CRACDL: variants seen among roughly 807,000 people sequenced by gnomAD.
The protein encoded by CRACDL is CRACD-like protein.
A neutral mutation model predicts 70.6 loss-of-function variants in CRACDL; 26 were observed. The observed-to-expected ratio is 0.37, with a 90% CI of 0.27 to 0.51. CRACDL has a LOEUF of 0.51. Among genes scored for constraint, CRACDL ranks in the 20% least tolerant of loss-of-function variants. The pLI, the probability that CRACDL is intolerant of heterozygous loss-of-function variation, is 0.94. For synonymous variants in CRACDL, 618 were observed against 615.2 expected, an observed-to-expected ratio of 1.00 and a Z score of -0.07; for missense variants, 1,283 against 1,376.9, an observed-to-expected ratio of 0.93 and a Z score of 1.08.
chr2:98,935,708 C>T (rs1709188453), intron 1 of CRACDL, among the ~76,000 whole-genome samples: 1 of 152,234 alleles, frequency 6.6e-6, no homozygotes, highest in African/African-American at 2.4e-5. Context: ...CAAAGGGAAA[C>T]TTTGGGCACT....
At chr2:98,895,978 C>G (rs938220268) in intron 1 of CRACDL, among the ~76,000 whole-genome samples, 5 of 152,294 alleles carry the variant, frequency 3.3e-5, no homozygotes, top group African/African-American at 1.2e-4. Flanking sequence ...TCACCAGATA[C>G]TGAATCTGCT....
chr2:98,812,639 T>C (rs1704620945), intron 7 of CRACDL, among the ~76,000 whole-genome samples: 1 of 152,206 alleles, frequency 6.6e-6, no homozygotes, highest in South Asian at 2.1e-4. Context: ...TTATTTGCCA[T>C]CTGTACACTT....
rs558277372 is a variant in CRACDL, at chr2:98,809,557, C to T, written c.2417-12020G>A. Reference sequence around the variant, plus strand: ...CTCTGCATGAGGGAAGTTTCCTCTGCGCTGGTGGCTCACAGGACTGCAGTG... The same window carrying T: ...CTCTGCATGAGGGAAGTTTCCTCTGTGCTGGTGGCTCACAGGACTGCAGTG... On this transcript the variant is annotated intron_variant, in intron 7 of 9. Coordinates refer to ENST00000397899, the MANE Select transcript of CRACDL (RefSeq NM_207362.3). 4.6e-5 allele frequency among the ~76,000 whole-genome samples: 7 copies of T among 152,242 alleles called. No individual in the cohort carries two copies. In the East Asian group the frequency reaches 1.2e-3, roughly 25 times the overall value.
intron 1 of CRACDL, among the ~76,000 whole-genome samples, chr2:98,898,460 G>C (rs1456705058): frequency 6.6e-6 from 1 of 152,250 alleles, no homozygotes; most frequent in Non-Finnish European, 1.5e-5. Flanking sequence ...TGACCAGCCA[G>C]CTCTTCGCAT....
intron 7 of CRACDL, among the ~76,000 whole-genome samples, chr2:98,812,225 T>C (rs1159701235): frequency 6.6e-6 from 1 of 152,220 alleles, no homozygotes; most frequent in Admixed American, 6.5e-5. Context: ...TCCACCCACC[T>C]TGGCCTCCCA....
Position 98,821,863 on chromosome 2 carries a change from C to T in CRACDL, c.2410G>A (p.Gly804Arg). The change falls in exon 7 of 10, where the codon GGA becomes AGA. Residue 804 changes from glycine to arginine, a missense_variant. Physicochemically the swap from Gly to Arg is moderately radical, Grantham distance 125. This residue lies in a region of CRACDL where 921 missense variants were observed against 881.9 expected (regional missense o/e 1.04). Coordinates refer to ENST00000397899, the MANE Select transcript of CRACDL (RefSeq NM_207362.3). ...ACCCTCGGCGGGCTCTTACCAGCTC[C>T]CCTGCGCAGCGGCCTTTTCTCCGCC... ...RTAEKRPLRR[G>R]AEKSLPPAAT... 6.2e-7 allele frequency: 1 copy of T among 1,607,406 alleles called. No individual in the cohort carries two copies. The highest frequency in any genetic ancestry group is 8.5e-7 in the Non-Finnish European group (1 of 1,178,826).
rs557263005 is a variant in CRACDL at position 98,929,470 on chromosome 2, C to T, written c.-11+6468G>A. Among the ~76,000 whole-genome samples, 6 of 152,248 alleles carry T rather than the reference C, an allele frequency of 3.9e-5. 1 individual carries two copies. Among genetic ancestry groups the T allele is most frequent in the Admixed American group, 2.0e-4 (3 of 15,300 alleles). ...ACTCCAAGCAGCATCTACAGTGGGA[C>T]GGGGGAGCCGCCTCTCTGGTCATGT... On this transcript the variant is annotated intron_variant, in intron 1 of 9. Transcript: ENST00000397899.
intron 1 of CRACDL, among the ~76,000 whole-genome samples, chr2:98,874,347 G>GC (rs1472733722): frequency 2.0e-5 from 3 of 152,202 alleles, no homozygotes; most frequent in East Asian, 1.9e-4. Context: ...AGCTCATGTT[G>GC]CCCCCCTGAT....
At chr2:98,829,242 C>T (rs184987282) in intron 5 of CRACDL, among the ~76,000 whole-genome samples, 1 of 152,374 alleles carries the variant, frequency 6.6e-6, no homozygotes, top group African/African-American at 2.4e-5. Flanking sequence ...GGGCAGATGT[C>T]TTGGGCTCAG....
At chr2:98,935,503 C>T (rs543623864) in intron 1 of CRACDL, among the ~76,000 whole-genome samples, 162 of 152,308 alleles carry the variant, frequency 1.1e-3, no homozygotes, top group African/African-American at 3.6e-3. Flanking sequence ...AATAAACCAT[C>T]ACCTAAAGCA....
In CRACDL at chr2:98,897,166, C is replaced by T. The variant is rs538814016; in HGVS notation, c.-11+38772G>A. On this transcript the variant is annotated intron_variant, in intron 1 of 9. Coordinates refer to ENST00000397899, the MANE Select transcript of CRACDL (RefSeq NM_207362.3). ...CCACTGATTTGTTCTCCGTCACGAT[C>T]GTTCTGTCTCTTTGAGAATGTCACA... 4.6e-5 allele frequency among the ~76,000 whole-genome samples: 7 copies of T among 152,220 alleles called. No homozygotes were observed. In the South Asian group the frequency reaches 8.3e-4, roughly 18 times the overall value.
intron 1 of CRACDL, among the ~76,000 whole-genome samples, chr2:98,907,224 G>A (rs564558253): frequency 3.2e-4 from 48 of 152,284 alleles, no homozygotes; most frequent in East Asian, 5.8e-4. Context: ...CCCAGGAGGC[G>A]GAGGTTGCGG....
intron 7 of CRACDL, among the ~76,000 whole-genome samples, chr2:98,798,751 G>A (rs1250009793): frequency 1.1e-4 from 16 of 151,648 alleles, no homozygotes; most frequent in African/African-American, 3.1e-4. Context: ...AAGTACAGTG[G>A]TGCGATCAAG....
At chr2:98,799,447 CGG>C (rs1703981771) in intron 7 of CRACDL, among the ~76,000 whole-genome samples, 1 of 152,066 alleles carries the variant, frequency 6.6e-6, no homozygotes, top group Non-Finnish European at 1.5e-5. Flanking sequence ...CAGCCAGGGA[CGG>C]CTCTCACTCC....
chr2:98,863,371 A>G (rs1013626757), intron 1 of CRACDL, among the ~76,000 whole-genome samples: 1 of 152,210 alleles, frequency 6.6e-6, no homozygotes, highest in Non-Finnish European at 1.5e-5. Context: ...GTCTGTTACT[A>G]CTAGAGCTGT....
intron 7 of CRACDL, among the ~76,000 whole-genome samples, chr2:98,819,115 A>G (rs886195486): frequency 7.9e-5 from 12 of 152,222 alleles, no homozygotes; most frequent in Non-Finnish European, 1.5e-4. Flanking sequence ...TTAATAAAAA[A>G]AATACTCTAT....
intron 1 of CRACDL, chr2:98,908,375 C>G (rs1708466229): frequency 6.6e-6 from 1 of 152,370 alleles, no homozygotes; most frequent in African/African-American, 2.4e-5. Context: ...TGTCAACCCT[C>G]CAGCAAAAGT....
intron 5 of CRACDL, among the ~76,000 whole-genome samples, chr2:98,831,911 A>T (rs1164962686): frequency 6.6e-6 from 1 of 152,136 alleles, no homozygotes; most frequent in Non-Finnish European, 1.5e-5. Context: ...ACACCACCTC[A>T]AGGTCACAAA....
intron 8 of CRACDL, among the ~76,000 whole-genome samples, chr2:98,796,618 AT>A (rs910143123): frequency 6.6e-6 from 1 of 152,158 alleles, no homozygotes; most frequent in African/African-American, 2.4e-5. Context: ...ACTGGTTACT[AT>A]TTGTTTTCTA....
Sources: gnomAD v4.1 joint callset for allele counts (sites outside exome capture counted in the v4.1 genomes callset) on GRCh38, gnomAD v4.1.1 for gene constraint, gnomAD v4.1.1 regional missense constraint, MANE v1.5 for transcripts, NCBI Gene and HGNC (gene_info 2026-07-23, HGNC 2026-07-21) for gene names.